The following PTPRT variants were observed in gnomAD, a reference collection of about 807,000 sequenced individuals.
PTPRT encodes the protein protein tyrosine phosphatase receptor type T.
Under a neutral mutation model 176.8 loss-of-function variants are expected in PTPRT, and 56 were observed. That is an observed-to-expected ratio of 0.32 (90% CI 0.26 to 0.40). The LOEUF (loss-of-function observed/expected upper bound fraction) is 0.40. Among genes scored for constraint, PTPRT ranks in the 10% least tolerant of loss-of-function variants. The pLI is 1.00. For synonymous variants in PTPRT, 783 were observed against 739.0 expected (o/e 1.06, Z -0.96); for missense variants, 1,540 against 1,908.2 (o/e 0.81, Z 3.60).
At chr20:42,339,223 G>A (rs1047305077) in intron 11 of PTPRT, among the ~76,000 whole-genome samples, 9 of 152,144 alleles carry the variant, frequency 5.9e-5, no homozygotes, top group South Asian at 4.1e-4. Context: ...CCCAACATCC[G>A]CATAGAAGTG....
intron 24 of PTPRT, among the ~76,000 whole-genome samples, chr20:42,104,965 C>G (rs1986293496): frequency 6.6e-6 from 1 of 152,134 alleles, no homozygotes; most frequent in African/African-American, 2.4e-5. Flanking sequence ...TGAGAAACTT[C>G]TAGACATGCT....
At chr20:42,798,423 A>G (rs1443497224) in intron 2 of PTPRT, among the ~76,000 whole-genome samples, 1 of 152,214 alleles carries the variant, frequency 6.6e-6, no homozygotes, top group Non-Finnish European at 1.5e-5. Flanking sequence ...TGCTACCAGT[A>G]TTACCATGAA....
Position 42,548,745 on chromosome 20 carries a change from C to T in PTPRT, c.1154-76183G>A, listed in dbSNP as rs547205403. 1.4e-4 allele frequency among the ~76,000 whole-genome samples: 21 copies of T among 152,136 alleles called. No homozygotes were observed. In the East Asian group the frequency reaches 4.1e-3, roughly 29 times the overall value. Reference sequence around the variant, plus strand: ...CCAAATAATATCCAGGATATAAATGCAACTCGTGAAAATTTAATAGAAAAC... The same window carrying T: ...CCAAATAATATCCAGGATATAAATGTAACTCGTGAAAATTTAATAGAAAAC... On this transcript the variant is annotated intron_variant, in intron 7 of 30. Coordinates refer to ENST00000373187, the MANE Select transcript of PTPRT (RefSeq NM_007050.6).
intron 1 of PTPRT, among the ~76,000 whole-genome samples, chr20:43,000,309 G>A (rs1984492402): frequency 6.6e-6 from 1 of 151,576 alleles, no homozygotes; most frequent in African/African-American, 2.4e-5. Context: ...TTCAGAATAA[G>A]TAAGAGACCT....
chr20:42,070,680 T>C (rs990179286), downstream of PTPRT, among the ~76,000 whole-genome samples: 8 of 152,086 alleles, frequency 5.3e-5, no homozygotes, highest in South Asian at 2.1e-4. Flanking sequence ...GCCACTTACG[T>C]AGAATATGTT....
At chr20:42,054,149 G>A in the PTPRT span, among the ~76,000 whole-genome samples, 1 of 152,196 alleles carries the variant, frequency 6.6e-6, no homozygotes, top group Non-Finnish European at 1.5e-5. Flanking sequence ...ATGAATCTTA[G>A]TCCTGATGGT....
chr20:43,170,457 G>A (rs1281656956), intron 1 of PTPRT, among the ~76,000 whole-genome samples: 2 of 152,152 alleles, frequency 1.3e-5, no homozygotes, highest in Non-Finnish European at 2.9e-5. Context: ...AGATGGCGAT[G>A]AAAAGATCTC....
intron 6 of PTPRT, among the ~76,000 whole-genome samples, chr20:42,741,408 G>A (rs536140879): frequency 3.9e-5 from 6 of 152,200 alleles, no homozygotes; most frequent in South Asian, 4.1e-4. Context: ...GCAGTGGCGC[G>A]ATCTTGGCTC....
chr20:42,205,828 A>C (rs982086014), intron 15 of PTPRT, among the ~76,000 whole-genome samples: 6 of 152,180 alleles, frequency 3.9e-5, no homozygotes, highest in Non-Finnish European at 8.8e-5. Flanking sequence ...GGACCAAAAA[A>C]AAAATTCACA....
intron 7 of PTPRT, among the ~76,000 whole-genome samples, chr20:42,542,848 G>A (rs1479437549): frequency 1.3e-5 from 2 of 152,154 alleles, no homozygotes; most frequent in Non-Finnish European, 2.9e-5. Context: ...AAGATATATT[G>A]AGCAGTGACT....
At position 42,907,087 on chromosome 20, in the gene PTPRT, A is replaced by G. The variant is rs185317938; in HGVS notation, c.89-21155T>C. 5.2e-3 allele frequency among the ~76,000 whole-genome samples: 793 copies of G among 152,318 alleles called. 4 individuals carry two copies. Among genetic ancestry groups the G allele is most frequent in the Non-Finnish European group, 8.6e-3 (585 of 68,030 alleles). On this transcript the variant is annotated intron_variant, in intron 1 of 30. Transcript: ENST00000373187. ...AAATGTAACAGTGAGGGGAAAAAAT[A>G]AGAATTATTATGAGTAAATGAAAAA... is the stretch of plus-strand genomic sequence containing the variant.
At chr20:42,333,349 T>C (rs575082874) in intron 11 of PTPRT, among the ~76,000 whole-genome samples, 1 of 152,346 alleles carries the variant, frequency 6.6e-6, no homozygotes, top group South Asian at 2.1e-4. Context: ...CTTAGTTTTT[T>C]TGAGATGGAG....
intron 1 of PTPRT, among the ~76,000 whole-genome samples, chr20:42,981,506 G>T (rs896941635): frequency 6.6e-6 from 1 of 152,224 alleles, no homozygotes; most frequent in Non-Finnish European, 1.5e-5. Context: ...AAGTACTTGC[G>T]CATTGGGCTT....
chr20:43,109,234 T>C (rs567786008), intron 1 of PTPRT, among the ~76,000 whole-genome samples: 12 of 152,232 alleles, frequency 7.9e-5, no homozygotes, highest in Admixed American at 3.9e-4. Flanking sequence ...TCATTATAAA[T>C]AGGAAAATAA....
chr20:42,376,751 A>G (rs2058652805), intron 9 of PTPRT, among the ~76,000 whole-genome samples: 1 of 152,174 alleles, frequency 6.6e-6, no homozygotes, highest in Admixed American at 6.5e-5. Flanking sequence ...AGCTCAAGGA[A>G]AGATCCCCAG....
chr20:42,478,073 C>T (rs568022036), intron 7 of PTPRT, among the ~76,000 whole-genome samples: 22 of 152,302 alleles, frequency 1.4e-4, no homozygotes, highest in African/African-American at 3.8e-4. Context: ...TCTGTCCTTC[C>T]TGTGAGTGGC....
chr20:42,255,109 C>G (rs539652982), intron 13 of PTPRT, among the ~76,000 whole-genome samples: 1 of 152,034 alleles, frequency 6.6e-6, no homozygotes, highest in African/African-American at 2.4e-5. Flanking sequence ...GCAGAAGGGA[C>G]GACAAGACTT....
intron 1 of PTPRT, among the ~76,000 whole-genome samples, chr20:43,025,420 G>A (rs571289297): frequency 2.6e-5 from 4 of 152,282 alleles, no homozygotes; most frequent in African/African-American, 9.6e-5. Context: ...GCAGCACTTT[G>A]GCTTGTGTGG....
chr20:42,215,338 T>C (rs2055743281), intron 15 of PTPRT, among the ~76,000 whole-genome samples: 1 of 152,178 alleles, frequency 6.6e-6, no homozygotes, highest in African/African-American at 2.4e-5. Context: ...TCCTCGTCTA[T>C]AGAATAGAAT....
Sources: allele counts gnomAD v4.1 joint callset (sites outside exome capture counted in the v4.1 genomes callset), GRCh38; gene constraint gnomAD v4.1.1; transcripts MANE v1.5; gene names NCBI Gene and HGNC (gene_info 2026-07-23, HGNC 2026-07-21).